The following TAS2R1 variants were observed in gnomAD, a reference collection of about 807,000 sequenced individuals.
The protein encoded by TAS2R1 is taste 2 receptor member 1.
For missense variants in TAS2R1, 370 were observed against 353.4 expected (o/e 1.05, Z -0.38); for synonymous variants, 141 against 134.2 (o/e 1.05, Z -0.35).
At chr5:9,816,314 A>G in the TAS2R1 span, among the ~76,000 whole-genome samples, 6 of 152,188 alleles carry the variant, frequency 3.9e-5, no homozygotes, top group Non-Finnish European at 8.8e-5. Context: ...ATAAAATAGT[A>G]TATAAGTATA....
At chr5:9,811,560 C>T in the TAS2R1 span, among the ~76,000 whole-genome samples, 1 of 152,130 alleles carries the variant, frequency 6.6e-6, no homozygotes, top group African/African-American at 2.4e-5. Context: ...CTGACTTTGC[C>T]GGACGCATTT....
Position 9,658,929 on chromosome 5 carries a change from T to C in TAS2R1, c.-81+492A>G, listed in dbSNP as rs968191008. ...TGTTACAGAAGTTACAGTATGACTA[T>C]AGCATTCCACAAAATCCTCACACTC... On this transcript the variant is annotated intron_variant, in intron 2 of 2. Transcript: ENST00000506620. 7.9e-5 allele frequency: 12 copies of C among 152,358 alleles called. No homozygotes were observed. The East Asian group carries it at 2.1e-3, about 27-fold the overall frequency. 9.4% of individuals were successfully genotyped at this position (152,358 alleles called of 1,614,324 possible).
the TAS2R1 span, among the ~76,000 whole-genome samples, chr5:9,774,543 C>G: frequency 6.6e-6 from 1 of 152,182 alleles, no homozygotes; most frequent in Non-Finnish European, 1.5e-5. Context: ...CCTGACAACC[C>G]GCATTTGTTT....
intron 1 of TAS2R1, among the ~76,000 whole-genome samples, chr5:9,688,010 C>T (rs566899167): frequency 6.6e-6 from 1 of 152,216 alleles, no homozygotes; most frequent in African/African-American, 2.4e-5. Flanking sequence ...TTTCAGCAAA[C>T]TTACAGAGGA....
At chr5:9,820,887 G>T in the TAS2R1 span, among the ~76,000 whole-genome samples, 1 of 152,176 alleles carries the variant, frequency 6.6e-6, no homozygotes, top group Admixed American at 6.5e-5. Context: ...GAGATGAACA[G>T]AGTCGATTTT....
chr5:9,880,796 T>G, the TAS2R1 span, among the ~76,000 whole-genome samples: 9 of 152,174 alleles, frequency 5.9e-5, no homozygotes. Flanking sequence ...GAATGAATCT[T>G]GGTAGACAAA....
At chr5:9,684,121 C>T (rs983028144) in intron 1 of TAS2R1, among the ~76,000 whole-genome samples, 10 of 152,144 alleles carry the variant, frequency 6.6e-5, no homozygotes, top group Non-Finnish European at 1.3e-4. Context: ...CAGCACTATT[C>T]ACAATAGCCA....
the TAS2R1 span, among the ~76,000 whole-genome samples, chr5:9,814,483 TC>T: frequency 1.3e-5 from 2 of 152,328 alleles, no homozygotes; most frequent in African/African-American, 2.4e-5. Flanking sequence ...CCATTTTTTT[TC>T]ATCCAGATAT....
the TAS2R1 span, among the ~76,000 whole-genome samples, chr5:9,723,743 C>T: frequency 6.6e-6 from 1 of 152,336 alleles, no homozygotes; most frequent in African/African-American, 2.4e-5. Flanking sequence ...GCTAGTGACC[C>T]TCATCAGGGG....
the TAS2R1 span, among the ~76,000 whole-genome samples, chr5:9,753,719 T>A: frequency 6.6e-6 from 1 of 152,222 alleles, no homozygotes; most frequent in Non-Finnish European, 1.5e-5. Context: ...TGAATTAATT[T>A]TTGTATAAGG....
chr5:9,870,063 C>G, the TAS2R1 span: 2 of 152,228 alleles, frequency 1.3e-5, no homozygotes, highest in Admixed American at 6.5e-5. Context: ...GGAAACATGA[C>G]TAAGCCTTTT....
At chr5:9,747,730 A>G in the TAS2R1 span, among the ~76,000 whole-genome samples, 1 of 152,184 alleles carries the variant, frequency 6.6e-6, no homozygotes, top group Non-Finnish European at 1.5e-5. Context: ...CAGGGGAGAA[A>G]GTAGGAAAAA....
At chr5:9,842,330 T>C in the TAS2R1 span, among the ~76,000 whole-genome samples, 1 of 144,698 alleles carries the variant, frequency 6.9e-6, no homozygotes, top group African/African-American at 2.6e-5. Context: ...TTTTTTTTTT[T>C]TTTTTTTTGA....
chr5:9,689,303 G>T (rs1221391844), intron 1 of TAS2R1, among the ~76,000 whole-genome samples: 2 of 152,112 alleles, frequency 1.3e-5, no homozygotes, highest in Non-Finnish European at 2.9e-5. Flanking sequence ...CCAAAACTAT[G>T]AGGCAGTCCT....
At chr5:9,674,009 T>C (rs1430650890) in intron 1 of TAS2R1, among the ~76,000 whole-genome samples, 4 of 152,198 alleles carry the variant, frequency 2.6e-5, no homozygotes, top group Admixed American at 2.6e-4. Flanking sequence ...AATTTTTTCA[T>C]GCGCTTCTGA....
the TAS2R1 span, among the ~76,000 whole-genome samples, chr5:9,807,890 C>A: frequency 4.0e-5 from 6 of 150,964 alleles, no homozygotes; most frequent in African/African-American, 1.5e-4. Flanking sequence ...TCAAAACAAA[C>A]AATTAAAATA....
chr5:9,845,099 G>A, the TAS2R1 span, among the ~76,000 whole-genome samples: 1 of 152,132 alleles, frequency 6.6e-6, no homozygotes, highest in South Asian at 2.1e-4. Context: ...GATGGTATTT[G>A]GAGGTGGAAT....
the TAS2R1 span, among the ~76,000 whole-genome samples, chr5:9,766,995 A>G: frequency 7.8e-4 from 118 of 152,118 alleles, no homozygotes; most frequent in African/African-American, 2.7e-3. Context: ...CTCTTCTTTC[A>G]TGAGTCTAAA....
chr5:9,669,310 G>A (rs1561374189), intron 1 of TAS2R1, among the ~76,000 whole-genome samples: 1 of 152,136 alleles, frequency 6.6e-6, no homozygotes, highest in Non-Finnish European at 1.5e-5. Context: ...TACGATAATA[G>A]TGGGAAAATT....
Sources: gnomAD v4.1 joint callset for allele counts (sites outside exome capture counted in the v4.1 genomes callset) on GRCh38, gnomAD v4.1.1 for gene constraint, MANE v1.5 for transcripts, NCBI Gene and HGNC (gene_info 2026-07-23, HGNC 2026-07-21) for gene names.